Variants in ADAM2 observed in about 807,000 individuals in gnomAD.
The protein encoded by ADAM2 is disintegrin and metalloproteinase domain-containing protein 2.
In ADAM2, 101 loss-of-function variants were observed where a neutral mutation model predicts 99.3. That is an observed-to-expected ratio of 1.02 (90% confidence interval 0.87 to 1.20). ADAM2 has a LOEUF of 1.20. Ranked by LOEUF, ADAM2 falls within the 50% of genes most tolerant of loss-of-function variation. ADAM2 has a pLI of 0.00. For synonymous variants in ADAM2, 323 were observed against 287.6 expected (o/e 1.12, Z -1.25); for missense variants, 948 against 878.7 (o/e 1.08, Z -1.00).
chr8:39,773,263 C>T (rs202004), intron 11 of ADAM2, among the ~76,000 whole-genome samples: 22 of 151,466 alleles, frequency 1.5e-4, no homozygotes, highest in Admixed American at 1.3e-3. Context: ...GTATCAAAAA[C>T]GTGTGGTGTG....
chr8:39,800,616 G>C (rs1804165614), intron 7 of ADAM2, among the ~76,000 whole-genome samples: 1 of 152,142 alleles, frequency 6.6e-6, no homozygotes, highest in African/African-American at 2.4e-5. Context: ...ATACTGAAGT[G>C]TGTTTTCCAG....
chr8:39,765,110 T>A (rs1408805863), intron 14 of ADAM2, among the ~76,000 whole-genome samples: 1 of 151,346 alleles, frequency 6.6e-6, no homozygotes, highest in African/African-American at 2.4e-5. Flanking sequence ...GAACAGAGAG[T>A]TTTCTAGTCA....
intron 7 of ADAM2, among the ~76,000 whole-genome samples, chr8:39,801,571 A>G (rs746708239): frequency 3.9e-5 from 6 of 152,144 alleles, no homozygotes; most frequent in Non-Finnish European, 8.8e-5. Context: ...ACTAGGGGGA[A>G]ACCCATTCAT....
intron 11 of ADAM2, among the ~76,000 whole-genome samples, chr8:39,772,877 A>G (rs1198026815): frequency 1.3e-5 from 2 of 151,954 alleles, no homozygotes; most frequent in African/African-American, 4.8e-5. Context: ...AAGAATATTA[A>G]TATAACCTAT....
chr8:39,792,202 G>A (rs1314860670), intron 7 of ADAM2, among the ~76,000 whole-genome samples: 5 of 151,440 alleles, frequency 3.3e-5, no homozygotes, highest in Non-Finnish European at 5.9e-5. Flanking sequence ...TGCTCAAAAT[G>A]TATGTTCCTG....
At chr8:39,751,526 C>A (rs1173448684) in intron 16 of ADAM2, among the ~76,000 whole-genome samples, 2 of 151,892 alleles carry the variant, frequency 1.3e-5, no homozygotes, top group Non-Finnish European at 2.9e-5. Flanking sequence ...TTTGCTTTAA[C>A]ATGCCTGTGG....
intron 14 of ADAM2, among the ~76,000 whole-genome samples, chr8:39,761,873 A>C (rs1802383236): frequency 6.6e-6 from 1 of 152,140 alleles, no homozygotes; most frequent in African/African-American, 2.4e-5. Flanking sequence ...CGAGTTAAGG[A>C]GATCGAGACC....
chr8:39,744,597 A>G lies in ADAM2; in HGVS notation c.*30+233T>C, dbSNP rs183592806. ...GGAGCTGAATCATGAAAACACATGG[A>G]CACAGGGAGGGGAACATCACACACC... On this transcript the variant is annotated intron_variant, in intron 20 of 20. Coordinates refer to ENST00000265708, the MANE Select transcript of ADAM2 (RefSeq NM_001464.5). 1.7e-3 allele frequency among the ~76,000 whole-genome samples: 257 copies of G among 152,128 alleles called. 1 individual carries two copies. Among genetic ancestry groups the G allele is most frequent in the Middle Eastern group, 3.4e-3 (1 of 294 alleles).
At chr8:39,768,808 G>A (rs1478853688) in intron 12 of ADAM2, among the ~76,000 whole-genome samples, 1 of 152,148 alleles carries the variant, frequency 6.6e-6, no homozygotes, top group Non-Finnish European at 1.5e-5. Context: ...GTGCTTACCA[G>A]GGACTTCAGG....
Position 39,837,145 on chromosome 8 carries a change from A to T in ADAM2, c.123T>A (p.Ile41=). 3.1e-6 allele frequency: 5 copies of T among 1,598,760 alleles called. No homozygotes were observed. The South Asian group carries it at 5.6e-5, about 18-fold the overall frequency. ...EKIRSIIKEG[I]ESQASYKIVI... ...GTTAGTGATTCATTACCTGCGATTCAATTCCTTCCTTTATTATTGACCGTA... is the reference window on the plus strand; with the variant it reads ...GTTAGTGATTCATTACCTGCGATTCTATTCCTTCCTTTATTATTGACCGTA... Residue 41 remains isoleucine (I), a synonymous_variant, in exon 2 of 21, where the codon ATT becomes ATA. Transcript: ENST00000265708.
intron 14 of ADAM2, among the ~76,000 whole-genome samples, chr8:39,762,972 C>T (rs903367919): frequency 6.6e-5 from 10 of 151,996 alleles, no homozygotes; most frequent in Admixed American, 3.9e-4. Flanking sequence ...ACAAAGGGGT[C>T]GGTGATGTTT....
intron 16 of ADAM2, 123 bp downstream of exon 16, chr8:39,755,605 C>T: frequency 1.5e-6 from 1 of 650,108 alleles, no homozygotes; most frequent in Non-Finnish European, 2.6e-6. Context: ...ACCTGGGTGG[C>T]AGAGGTTGCA....
chr8:39,761,442 C>G lies in ADAM2; in HGVS notation c.1508-161G>C, dbSNP rs574140514. 1.1e-4 allele frequency among the ~76,000 whole-genome samples: 17 copies of G among 152,298 alleles called. No individual in the cohort carries two copies. The East Asian group carries it at 3.3e-3, about 29-fold the overall frequency. On this transcript the variant is annotated intron_variant, in intron 14 of 20. Transcript: ENST00000265708. ...AAACTAGATTTAAGATCACACAAAACTACTTCAATGAAATGTTTAAAAATT... is the reference window on the plus strand; with the variant it reads ...AAACTAGATTTAAGATCACACAAAAGTACTTCAATGAAATGTTTAAAAATT...
At chr8:39,824,747 A>G in intron 4 of ADAM2, 72 bp downstream of exon 4, 1 of 811,940 alleles carries the variant, frequency 1.2e-6, no homozygotes, top group East Asian at 2.4e-5. Context: ...GACTCTAATA[A>G]CATGTGGACA....
chr8:39,780,100 C>T (rs1490121399), intron 10 of ADAM2, among the ~76,000 whole-genome samples: 1 of 152,096 alleles, frequency 6.6e-6, no homozygotes, highest in Non-Finnish European at 1.5e-5. Context: ...GCATCACAGT[C>T]ATAGTGGAAG....
At chr8:39,834,726 C>A (rs941200432) in intron 2 of ADAM2, among the ~76,000 whole-genome samples, 18 of 84,156 alleles carry the variant, frequency 2.1e-4, no homozygotes, top group African/African-American at 5.4e-4. Context: ...CAGGGCAAGA[C>A]TCCATCAAAA....
chr8:39,766,555 G>A (rs1297866266), intron 14 of ADAM2, among the ~76,000 whole-genome samples: 1 of 151,290 alleles, frequency 6.6e-6, no homozygotes, highest in African/African-American at 2.4e-5. Flanking sequence ...TTACAGGCAT[G>A]TGCCACCACT....
chr8:39,832,807 G>A (rs148568159), intron 3 of ADAM2, among the ~76,000 whole-genome samples: 46 of 144,918 alleles, frequency 3.2e-4, no homozygotes, highest in South Asian at 6.4e-4. Flanking sequence ...CCTTTTCACC[G>A]CTTGTGTGCA....
chr8:39,833,383 G>T (rs1805693112), intron 3 of ADAM2, among the ~76,000 whole-genome samples: 1 of 151,980 alleles, frequency 6.6e-6, no homozygotes, highest in Non-Finnish European at 1.5e-5. Flanking sequence ...TTGATAATTT[G>T]TAGAAATCTG....
Sources: gnomAD v4.1 joint callset for allele counts (sites outside exome capture counted in the v4.1 genomes callset) on GRCh38, gnomAD v4.1.1 for gene constraint, MANE v1.5 for transcripts, NCBI Gene and HGNC (gene_info 2026-07-23, HGNC 2026-07-21) for gene names.